LRP1B: variants seen among roughly 807,000 people sequenced by gnomAD.
LRP1B encodes low-density lipoprotein receptor-related protein 1B.
A neutral mutation model predicts 556.6 loss-of-function variants in LRP1B; 217 were observed. The ratio of observed to expected loss-of-function variants is 0.39; its 90% CI spans 0.35 to 0.44. The LOEUF (loss-of-function observed/expected upper bound fraction) is 0.44, where lower values mean the gene tolerates loss of function less well. Ranked by LOEUF, LRP1B falls within the 20% of genes least tolerant of loss-of-function variation. The pLI is 1.00. For missense variants in LRP1B, 5,053 were observed against 5,620.8 expected, an observed-to-expected ratio of 0.90 and a Z score of 3.23; for synonymous variants, 2,047 against 1,865.8, an observed-to-expected ratio of 1.10 and a Z score of -2.50.
chr2:140,560,318 G>T (rs1680883451), intron 43 of LRP1B, among the ~76,000 whole-genome samples: 2 of 152,126 alleles, frequency 1.3e-5, no homozygotes, highest in African/African-American at 4.8e-5. Flanking sequence ...CCCTGGTTTA[G>T]AAGAGAGTTT....
chr2:140,787,387 T>C (rs1252900062), intron 32 of LRP1B, among the ~76,000 whole-genome samples: 2 of 152,072 alleles, frequency 1.3e-5, no homozygotes, highest in East Asian at 3.9e-4. Flanking sequence ...GACACATATT[T>C]CCAGATTCAG....
In LRP1B at chr2:141,293,451, A is replaced by T. The variant is rs149661828; in HGVS notation, c.344-38810T>A. Among the ~76,000 whole-genome samples the T allele has an allele frequency of 1.5e-3, 221 of 152,320 alleles. 2 individuals are homozygous for T. The highest frequency in any genetic ancestry group is 5.0e-3 in the African/African-American group (206 of 41,564). On this transcript the variant is annotated intron_variant, in intron 3 of 90. Coordinates refer to ENST00000389484, the MANE Select transcript of LRP1B (RefSeq NM_018557.3). ...TGAAGTAACAATTCCTGTCTTGAAG[A>T]GCTGCTATAAGAATCAGACATCTTC...
At chr2:140,287,507 G>T (rs1683194779) in intron 84 of LRP1B, among the ~76,000 whole-genome samples, 1 of 151,690 alleles carries the variant, frequency 6.6e-6, no homozygotes, top group African/African-American at 2.4e-5. Context: ...TTCAAGGAAA[G>T]GTTGCTCTGA....
intron 2 of LRP1B, among the ~76,000 whole-genome samples, chr2:141,781,146 C>A (rs1695239244): frequency 6.6e-6 from 1 of 152,106 alleles, no homozygotes; most frequent in Admixed American, 6.6e-5. Flanking sequence ...AATTCCAATG[C>A]TCAGGTCTTC....
At chr2:141,124,471 T>C (rs1701148091) in intron 7 of LRP1B, among the ~76,000 whole-genome samples, 1 of 152,084 alleles carries the variant, frequency 6.6e-6, no homozygotes, top group Non-Finnish European at 1.5e-5. Flanking sequence ...GACATTCTAC[T>C]TCTTGTCATT....
chr2:142,045,811 A>C (rs1372946494), intron 1 of LRP1B, among the ~76,000 whole-genome samples: 1 of 151,864 alleles, frequency 6.6e-6, no homozygotes, highest in African/African-American at 2.4e-5. Flanking sequence ...TTGTCTGTAA[A>C]TGTTAAGCCT....
intron 2 of LRP1B, among the ~76,000 whole-genome samples, chr2:141,678,555 G>A (rs1317840992): frequency 1.3e-5 from 2 of 152,104 alleles, no homozygotes; most frequent in African/African-American, 2.4e-5. Flanking sequence ...TTGTCAATGC[G>A]GATAGAAGAA....
intron 37 of LRP1B, among the ~76,000 whole-genome samples, chr2:140,706,058 T>G (rs1233753248): frequency 6.6e-6 from 1 of 152,118 alleles, no homozygotes; most frequent in Non-Finnish European, 1.5e-5. Context: ...AAGAGACTTG[T>G]AATTTAAGGT....
intron 60 of LRP1B, among the ~76,000 whole-genome samples, chr2:140,466,124 C>CTTTTTTTTTTT (rs74381027): frequency 8.0e-6 from 1 of 125,718 alleles, no homozygotes; most frequent in African/African-American, 2.9e-5. Flanking sequence ...TTTCTTTTTT[C>CTTTTTTTTTTT]TTTTTTTTTT....
chr2:140,408,040 G>C (rs549994592), intron 66 of LRP1B, among the ~76,000 whole-genome samples: 86 of 152,076 alleles, frequency 5.7e-4, no homozygotes, highest in Admixed American at 1.3e-3. Context: ...AACTTGGATG[G>C]AGCTGGAGGC....
intron 3 of LRP1B, among the ~76,000 whole-genome samples, chr2:141,375,264 G>T (rs1356579722): frequency 6.6e-6 from 1 of 152,112 alleles, no homozygotes; most frequent in Non-Finnish European, 1.5e-5. Flanking sequence ...TCCAATGGTG[G>T]CAGCATTTGG....
At chr2:141,504,211 T>C (rs946185961) in intron 2 of LRP1B, among the ~76,000 whole-genome samples, 92 of 152,302 alleles carry the variant, frequency 6.0e-4, no homozygotes, top group African/African-American at 2.0e-3. Flanking sequence ...GGCTTATTTA[T>C]AGTGCTGTGG....
intron 41 of LRP1B, among the ~76,000 whole-genome samples, chr2:140,632,051 C>T (rs575879914): frequency 3.3e-5 from 5 of 152,216 alleles, no homozygotes; most frequent in Admixed American, 1.3e-4. Context: ...TCTGTATACA[C>T]TATATTACTC....
chr2:140,810,723 AAGG>A (rs1690889002), intron 32 of LRP1B, among the ~76,000 whole-genome samples: 1 of 152,094 alleles, frequency 6.6e-6, no homozygotes, highest in East Asian at 1.9e-4. Flanking sequence ...ATTGCCAGTA[AAGG>A]CATTACGAGG....
chr2:140,355,435 T>G (rs1187183277), intron 75 of LRP1B, among the ~76,000 whole-genome samples: 1 of 151,976 alleles, frequency 6.6e-6, no homozygotes, highest in Non-Finnish European at 1.5e-5. Flanking sequence ...ATAATCCAAA[T>G]ACACATTTAA....
intron 1 of LRP1B, among the ~76,000 whole-genome samples, chr2:141,991,482 A>G (rs1326398456): frequency 2.0e-5 from 3 of 152,052 alleles, no homozygotes; most frequent in Non-Finnish European, 4.4e-5. Context: ...AAATAGTTCA[A>G]TGTAAGCAAG....
At chr2:140,473,133 G>A (rs997311968) in intron 60 of LRP1B, among the ~76,000 whole-genome samples, 1 of 151,838 alleles carries the variant, frequency 6.6e-6, no homozygotes. Flanking sequence ...TCTTTCTTTC[G>A]TTGATGGTAG....
At chr2:141,253,230 T>C (rs1684331929) in intron 4 of LRP1B, among the ~76,000 whole-genome samples, 1 of 152,168 alleles carries the variant, frequency 6.6e-6, no homozygotes, top group African/African-American at 2.4e-5. Flanking sequence ...ATTTCTGTGA[T>C]TATGAGGCAT....
intron 1 of LRP1B, among the ~76,000 whole-genome samples, chr2:141,840,458 C>T (rs1230614934): frequency 6.6e-6 from 1 of 151,642 alleles, no homozygotes; most frequent in African/African-American, 2.4e-5. Flanking sequence ...AGAGACTCTG[C>T]GTGTTAGCCA....
Sources: allele counts gnomAD v4.1 joint callset (sites outside exome capture counted in the v4.1 genomes callset), GRCh38; gene constraint gnomAD v4.1.1; transcripts MANE v1.5; gene names NCBI Gene and HGNC (gene_info 2026-07-23, HGNC 2026-07-21).